RNF145: variants seen among roughly 807,000 people sequenced by gnomAD.
The protein encoded by RNF145 is ring finger protein 145.
Under a neutral mutation model 57.3 loss-of-function variants are expected in RNF145, and 12 were observed. The observed-to-expected ratio is 0.21, with a 90% CI of 0.13 to 0.34. RNF145 has a LOEUF of 0.34. RNF145 is among the 10% of genes least tolerant of loss of function. The pLI is 1.00. For missense variants in RNF145, 429 were observed against 799.0 expected (o/e 0.54, Z 5.58); for synonymous variants, 262 against 288.3 (o/e 0.91, Z 0.92).
chr5:159,165,923 C>T (rs971242388), intron 8 of RNF145, among the ~76,000 whole-genome samples: 4 of 152,114 alleles, frequency 2.6e-5, no homozygotes, highest in African/African-American at 7.2e-5. Flanking sequence ...AACTGTTCTA[C>T]GAACATTCTT....
intron 1 of RNF145, among the ~76,000 whole-genome samples, chr5:159,206,509 ATCT>A (rs1310747831): frequency 2.0e-5 from 3 of 152,180 alleles, no homozygotes; most frequent in Admixed American, 2.0e-4. Context: ...TAAAATATTC[ATCT>A]TCTTTGCAAG....
chr5:159,184,758 T>C (rs1403073459), intron 3 of RNF145, among the ~76,000 whole-genome samples: 2 of 152,200 alleles, frequency 1.3e-5, no homozygotes, highest in African/African-American at 4.8e-5. Flanking sequence ...TTTAACTATT[T>C]CCTTTTCTTT....
intron 2 of RNF145, among the ~76,000 whole-genome samples, chr5:159,197,046 A>C (rs1212295417): frequency 2.0e-5 from 3 of 152,246 alleles, no homozygotes; most frequent in Non-Finnish European, 4.4e-5. Context: ...GGAAGATCCA[A>C]AATTAATGTG....
At chr5:159,177,100 A>G (rs1262074536) in intron 4 of RNF145, among the ~76,000 whole-genome samples, 1 of 152,136 alleles carries the variant, frequency 6.6e-6, no homozygotes, top group Non-Finnish European at 1.5e-5. Context: ...AAAGAGCAGC[A>G]TAAATCTCCA....
intron 1 of RNF145, among the ~76,000 whole-genome samples, 163 bp downstream of exon 1, chr5:159,209,068 C>T (rs1786009895): frequency 6.6e-6 from 1 of 151,592 alleles, no homozygotes; most frequent in South Asian, 2.1e-4. Context: ...ATGTGGACTC[C>T]TCCAATGCTA....
intron 3 of RNF145, among the ~76,000 whole-genome samples, chr5:159,194,381 A>G (rs999733741): frequency 6.6e-6 from 1 of 152,170 alleles, no homozygotes; most frequent in South Asian, 2.1e-4. Flanking sequence ...CATGTTGGCC[A>G]GGCTGGTCCC....
At chr5:159,204,398 G>C (rs1217830670) in intron 1 of RNF145, among the ~76,000 whole-genome samples, 1 of 151,994 alleles carries the variant, frequency 6.6e-6, no homozygotes, top group Non-Finnish European at 1.5e-5. Flanking sequence ...GGGGGGGGCA[G>C]GGGGAGGAGG....
At chr5:159,190,641 C>T (rs2113197176) in intron 3 of RNF145, among the ~76,000 whole-genome samples, 1 of 145,404 alleles carries the variant, frequency 6.9e-6, no homozygotes, top group Admixed American at 7.1e-5. Flanking sequence ...AATGACTGCA[C>T]CACTCCACTG....
intron 6 of RNF145, among the ~76,000 whole-genome samples, chr5:159,173,453 G>C (rs1387905561): frequency 6.6e-6 from 1 of 152,198 alleles, no homozygotes; most frequent in Non-Finnish European, 1.5e-5. Context: ...AGTATAGAGA[G>C]TAAGTCACAG....
At chr5:159,187,488 C>T (rs1168987192) in intron 3 of RNF145, among the ~76,000 whole-genome samples, 4 of 151,672 alleles carry the variant, frequency 2.6e-5, no homozygotes, top group Non-Finnish European at 4.4e-5. Flanking sequence ...CCACCATGCC[C>T]GGCTAATTTT....
intron 6 of RNF145, among the ~76,000 whole-genome samples, chr5:159,170,027 C>A (rs1303815052): frequency 6.6e-6 from 1 of 152,124 alleles, no homozygotes; most frequent in Non-Finnish European, 1.5e-5. Context: ...ATCTCATTGG[C>A]AAATATGCAG....
intron 3 of RNF145, among the ~76,000 whole-genome samples, chr5:159,192,500 CA>C (rs201995097): frequency 0.01 from 1,551 of 152,256 alleles, 22 homozygotes; most frequent in African/African-American, 0.035. Flanking sequence ...AAAATCCTAT[CA>C]ATTCTAAAAA....
intron 3 of RNF145, among the ~76,000 whole-genome samples, chr5:159,184,643 C>A (rs1364194939): frequency 1.3e-5 from 2 of 152,068 alleles, no homozygotes; most frequent in Non-Finnish European, 2.9e-5. Context: ...TTTCTAGGTT[C>A]TAACTTTTTC....
At chr5:159,203,307 C>A in intron 2 of RNF145, 127 bp downstream of exon 2, 2 of 648,530 alleles carry the variant, frequency 3.1e-6, no homozygotes. Context: ...TTCATAAACA[C>A]TCATCAATAA....
At chr5:159,193,400 G>A (rs549501626) in intron 3 of RNF145, among the ~76,000 whole-genome samples, 1 of 152,160 alleles carries the variant, frequency 6.6e-6, no homozygotes, top group South Asian at 2.1e-4. Context: ...AGGAATAAAG[G>A]AGGAAAATGC....
rs559996215 is a variant in RNF145 at position 159,197,764 on chromosome 5, T to C, written c.185-2940A>G. On this transcript the variant is annotated intron_variant, in intron 2 of 10. Transcript: ENST00000424310. ...TAGTTTTTAAATTATACACAGTAAT[T>C]TGTAATTAAAAAGCAAGACCAGTGG... Among the ~76,000 whole-genome samples the C allele has an allele frequency of 4.4e-4, 67 of 152,250 alleles. 2 individuals are homozygous for C. Among genetic ancestry groups the C allele is most frequent in the African/African-American group, 1.5e-3 (61 of 41,548 alleles).
chr5:159,194,496 T>C lies in RNF145; in HGVS notation c.293+220A>G, dbSNP rs534931271. Among the ~76,000 whole-genome samples, 75 of 152,316 alleles carry C rather than the reference T, an allele frequency of 4.9e-4. 1 individual carries two copies. In the South Asian group the frequency reaches 0.01, roughly 21 times the overall value. The stretch of plus-strand genomic sequence containing the variant: ...AAGGATATCTTTATAAACATAACCT[T>C]AAGGCTTGTTTCATGTTAAGCTTGT... On this transcript the variant is annotated intron_variant, in intron 3 of 10. Transcript: ENST00000424310.
intron 1 of RNF145, among the ~76,000 whole-genome samples, chr5:159,206,238 T>C (rs932898571): frequency 6.6e-6 from 1 of 152,154 alleles, no homozygotes; most frequent in African/African-American, 2.4e-5. Context: ...TAGAATTAAA[T>C]ACGCCCAAAT....
At chr5:159,162,655 C>T (rs1016579067) in intron 9 of RNF145, among the ~76,000 whole-genome samples, 3 of 151,340 alleles carry the variant, frequency 2.0e-5, no homozygotes, top group African/African-American at 7.3e-5. Flanking sequence ...AGGATGGTCT[C>T]GATCTCCTGA....
Sources: gnomAD v4.1 joint callset for allele counts (sites outside exome capture counted in the v4.1 genomes callset) on GRCh38, gnomAD v4.1.1 for gene constraint, MANE v1.5 for transcripts, NCBI Gene and HGNC (gene_info 2026-07-23, HGNC 2026-07-21) for gene names.